ESYT3: variants seen among roughly 807,000 people sequenced by gnomAD.
The protein encoded by ESYT3 is extended synaptotagmin 3, also known as extended synaptotagmin-3.
ESYT3 carries 101 observed loss-of-function variants against 111.5 expected under a neutral mutation model. The observed-to-expected ratio is 0.91, with a 90% CI of 0.77 to 1.07. The LOEUF (loss-of-function observed/expected upper bound fraction) is 1.07, where lower values mean the gene tolerates loss of function less well. Ranked by LOEUF, ESYT3 falls within the 50% of genes least tolerant of loss-of-function variation. ESYT3 has a pLI of 0.00. For synonymous variants in ESYT3, 416 were observed against 446.8 expected (o/e 0.93, Z 0.87); for missense variants, 1,097 against 1,109.4 (o/e 0.99, Z 0.16).
rs2031921607 is a variant in ESYT3, at chr3:138,451,443, T to C, written c.328-605T>C. ...TTCCCTAATATTTTTTCTTTTTGTT[T>C]AGGTGATGTTTGCATTTTCTAATTT... On this transcript the variant is annotated intron_variant, in intron 1 of 22. Transcript: ENST00000389567. Among the ~76,000 whole-genome samples the C allele has an allele frequency of 3.3e-5, 5 of 152,222 alleles. No homozygotes were observed. The South Asian group carries it at 1.0e-3, about 32-fold the overall frequency.
intron 16 of ESYT3, 85 bp downstream of exon 16, chr3:138,470,231 G>A: frequency 6.0e-6 from 9 of 1,506,140 alleles, no homozygotes; most frequent in Non-Finnish European, 7.2e-6. Flanking sequence ...ACCTTGAGCA[G>A]GTTCTCCTGG....
chr3:138,454,905 A>T (rs576233645), intron 2 of ESYT3, among the ~76,000 whole-genome samples: 65 of 152,358 alleles, frequency 4.3e-4, no homozygotes, highest in African/African-American at 1.5e-3. Context: ...CTTTCTAATA[A>T]TAAATGTAGT....
In ESYT3 at chr3:138,472,639, A is replaced by C. The variant is rs1277760616; in HGVS notation, c.2017A>C (p.Lys673Gln). 5 of 1,614,128 alleles carry C rather than the reference A, an allele frequency of 3.1e-6. No homozygotes were observed. The highest frequency in any genetic ancestry group is 4.2e-6 in the Non-Finnish European group (5 of 1,180,040). The stretch of plus-strand genomic sequence containing the variant: ...AGAGCCTAAAGGCAAGGACAGTGCC[A>C]AAAGGTTCTGTGAGCCCATCGGGGA... ...GPEPKGKDSA[K>Q]RFCEPIGEKK... The change falls in exon 18 of 23, where the codon AAA becomes CAA. Residue 673 changes from lysine to glutamine, a missense_variant. Lys to Gln is a moderately conservative substitution (Grantham distance 53). Transcript: ENST00000389567.
chr3:138,458,922 A>G (rs774008), intron 4 of ESYT3, among the ~76,000 whole-genome samples: 115,929 of 152,066 alleles, frequency 0.76, 44,386 homozygotes, highest in East Asian at 0.95. Context: ...TCATGGTCAG[A>G]GATGAGGATA....
chr3:138,462,552 T>C, intron 8 of ESYT3: 1 of 435,546 alleles, frequency 2.3e-6, no homozygotes, highest in Non-Finnish European at 4.1e-6. Flanking sequence ...AAAGTAGTTG[T>C]ACATTTCCAA....
chr3:138,468,052 T>G, intron 11 of ESYT3, 53 bp from the exon 12 acceptor site: 1 of 1,526,066 alleles, frequency 6.6e-7, no homozygotes. Flanking sequence ...CCAGAGAGCA[T>G]CAGTAGCATC....
At position 138,449,803 on chromosome 3, in the gene ESYT3, G is replaced by GTTGCCTGCCTGTGAGTTCC. The variant is rs1481635158; in HGVS notation, c.328-2241_328-2223dup. 4.6e-5 allele frequency among the ~76,000 whole-genome samples: 7 copies of GTTGCCTGCCTGTGAGTTCC among 152,318 alleles called. 1 individual carries two copies. The highest frequency in any genetic ancestry group is 1.7e-4 in the African/African-American group (7 of 41,554). ...GATTCTGTATTAGAGTGATCTGTTA[G>GTTGCCTGCCTGTGAGTTCC]TTGCCTGCCTGTGAGTTCCTTGAGG... On this transcript the variant is annotated intron_variant, in intron 1 of 22. Transcript: ENST00000389567.
downstream of ESYT3, chr3:138,481,079 A>ATCAAC (rs1553824673): frequency 6.6e-6 from 1 of 152,258 alleles, no homozygotes. Context: ...TAAAAAATCA[A>ATCAAC]TCAACTCCAG....
intron 1 of ESYT3, among the ~76,000 whole-genome samples, chr3:138,446,746 C>A (rs2031567857): frequency 6.6e-6 from 1 of 152,050 alleles, no homozygotes; most frequent in Non-Finnish European, 1.5e-5. Context: ...AGAAAATTAG[C>A]TAGACATGGT....
chr3:138,471,305 A>G (rs912171461), intron 17 of ESYT3, among the ~76,000 whole-genome samples: 16 of 152,220 alleles, frequency 1.1e-4, no homozygotes, highest in Admixed American at 9.8e-4. Context: ...CTTGACCTCA[A>G]CTAAATATTT....
At chr3:138,469,561 A>C in intron 15 of ESYT3, 57 bp downstream of exon 15, 8 of 1,458,898 alleles carry the variant, frequency 5.5e-6, no homozygotes, top group East Asian at 2.3e-5. Flanking sequence ...AGCCCTTCTC[A>C]GGGAGAGAGG....
intron 18 of ESYT3, 108 bp downstream of exon 18, chr3:138,472,967 C>A: frequency 6.6e-7 from 1 of 1,516,974 alleles, no homozygotes; most frequent in South Asian, 1.3e-5. Flanking sequence ...TGTTTTTTCA[C>A]AAAATATCTT....
At chr3:138,444,936 G>T (rs950889153) in intron 1 of ESYT3, among the ~76,000 whole-genome samples, 1 of 152,106 alleles carries the variant, frequency 6.6e-6, no homozygotes, top group African/African-American at 2.4e-5. Context: ...CTTCTTCCAG[G>T]GCCTGAGCAA....
chr3:138,447,099 A>G (rs1210239798), intron 1 of ESYT3, among the ~76,000 whole-genome samples: 1 of 151,246 alleles, frequency 6.6e-6, no homozygotes, highest in Non-Finnish European at 1.5e-5. Context: ...TAAATCAACA[A>G]CCGACATGAG....
chr3:138,464,891 C>A (rs1436032940), intron 9 of ESYT3, among the ~76,000 whole-genome samples: 1 of 152,198 alleles, frequency 6.6e-6, no homozygotes, highest in Non-Finnish European at 1.5e-5. Context: ...GCCTGTTAAG[C>A]CCCCCAGATT....
At chr3:138,439,851 T>C (rs1407711524) in intron 1 of ESYT3, among the ~76,000 whole-genome samples, 1 of 152,248 alleles carries the variant, frequency 6.6e-6, no homozygotes, top group Non-Finnish European at 1.5e-5. Flanking sequence ...CTAGCCAGGC[T>C]GGCTCTCCTT....
chr3:138,473,063 T>A, intron 18 of ESYT3: 1 of 1,429,926 alleles, frequency 7.0e-7, no homozygotes, highest in Non-Finnish European at 9.1e-7. Flanking sequence ...AGCTGCGTAC[T>A]GACTATAAAA....
chr3:138,458,071 T>C (rs2032396580), intron 4 of ESYT3, among the ~76,000 whole-genome samples: 1 of 152,142 alleles, frequency 6.6e-6, no homozygotes, highest in African/African-American at 2.4e-5. Context: ...GATATCTCTT[T>C]GAAATGAGGT....
At chr3:138,437,225 G>A (rs369874423) in intron 1 of ESYT3, among the ~76,000 whole-genome samples, 2 of 152,186 alleles carry the variant, frequency 1.3e-5, no homozygotes, top group Non-Finnish European at 2.9e-5. Flanking sequence ...GAGAATTGGA[G>A]CCAGGAGTCG....
Sources: gnomAD v4.1 joint callset for allele counts (sites outside exome capture counted in the v4.1 genomes callset) on GRCh38, gnomAD v4.1.1 for gene constraint, MANE v1.5 for transcripts, NCBI Gene and HGNC (gene_info 2026-07-23, HGNC 2026-07-21) for gene names.